The following RAP1GAP variants were observed in gnomAD, a reference collection of about 807,000 sequenced individuals.
RAP1GAP encodes RAP1 GTPase activating protein, also known as rap1 GTPase-activating protein 1.
RAP1GAP carries 35 observed loss-of-function variants against 87.2 expected under a neutral mutation model. The ratio of observed to expected loss-of-function variants is 0.40; its 90% CI spans 0.31 to 0.53. The LOEUF is 0.53. RAP1GAP is among the 20% of genes least tolerant of loss of function. The pLI, the probability that RAP1GAP is intolerant of heterozygous loss-of-function variation, is 0.48. For missense variants in RAP1GAP, 734 were observed against 898.9 expected, an observed-to-expected ratio of 0.82 and a Z score of 2.35; for synonymous variants, 375 against 363.9, an observed-to-expected ratio of 1.03 and a Z score of -0.35.
intron 13 of RAP1GAP, among the ~76,000 whole-genome samples, chr1:21,610,532 G>A (rs534497844): frequency 2.6e-5 from 4 of 152,322 alleles, no homozygotes; most frequent in East Asian, 3.9e-4. Flanking sequence ...ATTCATCCAT[G>A]TAACCAAAAC....
At chr1:21,654,072 C>T (rs1339911022) in intron 1 of RAP1GAP, among the ~76,000 whole-genome samples, 1 of 117,232 alleles carries the variant, frequency 8.5e-6, no homozygotes, top group Non-Finnish European at 1.7e-5. Context: ...CTGCAGCTGC[C>T]TCATTGGCAA....
In RAP1GAP at chr1:21,654,865, G is replaced by T. The variant is rs974915870; in HGVS notation, c.-148-5069C>A. Among the ~76,000 whole-genome samples, 11 of 151,864 alleles carry T rather than the reference G, an allele frequency of 7.2e-5. 1 individual carries two copies. The highest frequency in any genetic ancestry group is 2.7e-4 in the African/African-American group (11 of 41,350). Reference sequence around the variant, plus strand: ...AAGAAAAAAGAAAAAGAAAGGCTAGGCACGGTGGCTCACACCTGTAATCCC... The same window carrying T: ...AAGAAAAAAGAAAAAGAAAGGCTAGTCACGGTGGCTCACACCTGTAATCCC... On this transcript the variant is annotated intron_variant, in intron 1 of 24. Transcript: ENST00000374765.
chr1:21,660,339 C>A (rs867554240), intron 1 of RAP1GAP, among the ~76,000 whole-genome samples: 16 of 52,844 alleles, frequency 3.0e-4, no homozygotes, highest in East Asian at 2.9e-3. Context: ...TCCAACTCAG[C>A]TATATATATT....
In RAP1GAP at chr1:21,601,755, G is replaced by A. The variant is rs140020129; in HGVS notation, c.1581C>T (p.His527=). ...PAGQKTPDSG[H]VSQEPKSENS... is the part of the protein sequence containing the mutation. ...TCTCCGACTTGGGCTCCTGTGAGAC[G>A]TGCCCGCTGTCTGGGGTCTTCTGAC... Residue 527 remains histidine (H), a synonymous_variant, in exon 20 of 25, where the codon CAC becomes CAT. Transcript: ENST00000374765. 148 of 1,611,316 alleles carry A rather than the reference G, an allele frequency of 9.2e-5. 1 individual carries two copies. The highest frequency in any genetic ancestry group is 2.2e-5 in the East Asian group (1 of 44,830).
intron 2 of RAP1GAP, among the ~76,000 whole-genome samples, chr1:21,642,329 G>A (rs756755030): frequency 3.9e-5 from 6 of 152,256 alleles, no homozygotes; most frequent in East Asian, 1.9e-4. Flanking sequence ...AGCTGGCATC[G>A]ACGGAGTACG....
chr1:21,621,137 C>A (rs1238157994), intron 3 of RAP1GAP, among the ~76,000 whole-genome samples: 1 of 152,206 alleles, frequency 6.6e-6, no homozygotes, highest in Non-Finnish European at 1.5e-5. Context: ...CAAACCCACA[C>A]CTGTGCAGGT....
intron 2 of RAP1GAP, among the ~76,000 whole-genome samples, chr1:21,631,576 CTTG>C (rs1317319085): frequency 6.6e-6 from 1 of 152,126 alleles, no homozygotes; most frequent in Non-Finnish European, 1.5e-5. Flanking sequence ...ATCCTAGCTA[CTTG>C]GGAGGCTGAG....
chr1:21,648,701 T>C (rs2096299453), intron 2 of RAP1GAP, among the ~76,000 whole-genome samples: 1 of 152,180 alleles, frequency 6.6e-6, no homozygotes, highest in African/African-American at 2.4e-5. Context: ...AGTCTACCCC[T>C]GCTCTGAGCA....
chr1:21,617,584 C>A (rs2083080991), intron 6 of RAP1GAP, 93 bp from the exon 7 acceptor site: 1 of 1,397,430 alleles, frequency 7.2e-7, no homozygotes, highest in Admixed American at 2.1e-5. Flanking sequence ...CCGCTTCTGT[C>A]GTGGCTAAGG....
intron 3 of RAP1GAP, among the ~76,000 whole-genome samples, chr1:21,621,907 C>T (rs1299089365): frequency 6.6e-6 from 1 of 152,228 alleles, no homozygotes; most frequent in Non-Finnish European, 1.5e-5. Flanking sequence ...CAACAAGCAA[C>T]ACCCACAGCT....
chr1:21,602,690 G>T, intron 19 of RAP1GAP, 114 bp downstream of exon 19: 1 of 884,674 alleles, frequency 1.1e-6, no homozygotes, highest in Non-Finnish European at 1.7e-6. Context: ...TGTCACTAGT[G>T]GGGATGGAGA....
intron 1 of RAP1GAP, among the ~76,000 whole-genome samples, chr1:21,663,539 C>A (rs1227354532): frequency 6.6e-6 from 1 of 152,196 alleles, no homozygotes; most frequent in Non-Finnish European, 1.5e-5. Context: ...ACCGAGCTTG[C>A]AGGCAGGAAG....
Position 21,598,415 on chromosome 1 carries a change from C to G in RAP1GAP, c.1864G>C (p.Gly622Arg), listed in dbSNP as rs372281992. Residue 622 changes from glycine to arginine, a missense_variant, in exon 22 of 25, where the codon GGG becomes CGG. Transcript: ENST00000374765. ...WLEDSVSTTSGGSSPGPSRSP... is the reference protein window; with the variant it reads ...WLEDSVSTTSRGSSPGPSRSP... The stretch of plus-strand genomic sequence containing the variant: ...GTCCTGGTACCTGGGGAGCTGCCCC[C>G]ACTAGTGGTGCTGACACTGTCCTCC... 6.2e-6 allele frequency: 10 copies of G among 1,613,596 alleles called. No individual in the cohort carries two copies. The highest frequency in any genetic ancestry group is 1.1e-5 in the South Asian group (1 of 91,082).
In RAP1GAP at chr1:21,622,388, G is replaced by T; in HGVS notation, c.-18-2338C>A. ...CGAGCCCCTCCGCGGACGGCCGGGTGGCACCGCGGGCCGCAGCTGTGCCAT... is the reference window on the plus strand; with the variant it reads ...CGAGCCCCTCCGCGGACGGCCGGGTTGCACCGCGGGCCGCAGCTGTGCCAT... On this transcript the variant is annotated intron_variant, in intron 3 of 24. Transcript: ENST00000374765. This position sits in a 1 kb window ranked among gnomAD's most constrained non-coding sequence, Gnocchi z 5.7. 2.4e-6 allele frequency: 1 copy of T among 423,712 alleles called. No homozygotes were observed. The highest frequency in any genetic ancestry group is 4.7e-5 in the South Asian group (1 of 21,452). 26.2% of individuals were successfully genotyped at this position (423,712 alleles called of 1,614,324 possible).
chr1:21,669,242 G>T lies in RAP1GAP; in HGVS notation c.-149+12C>A. On this transcript the variant is annotated intron_variant, in intron 1 of 24. Coordinates refer to ENST00000374765, the MANE Select transcript of RAP1GAP (RefSeq NM_002885.4). This position sits in a 1 kb window ranked among gnomAD's most constrained non-coding sequence, Gnocchi z 5.6. ...CCTTTCCAGGGCCGCAGCCCTGGCG[G>T]GGCGCACTCACCCAAGGGCCTGGGC... 1.6e-6 allele frequency: 2 copies of T among 1,251,074 alleles called. No homozygotes were observed. The highest frequency in any genetic ancestry group is 2.1e-6 in the Non-Finnish European group (2 of 972,982). 77.5% of individuals were successfully genotyped at this position (1,251,074 alleles called of 1,614,324 possible). A position where few individuals can be genotyped will look rare whatever the true frequency, so the allele number is the denominator to read the frequency against.
At chr1:21,665,641 G>C (rs1052678021) in intron 1 of RAP1GAP, among the ~76,000 whole-genome samples, 2 of 152,186 alleles carry the variant, frequency 1.3e-5, no homozygotes, top group Non-Finnish European at 2.9e-5. Flanking sequence ...TCCTCTCTGA[G>C]TCACCACCTG....
chr1:21,643,341 T>C (rs1054981971), intron 2 of RAP1GAP, among the ~76,000 whole-genome samples: 1 of 152,012 alleles, frequency 6.6e-6, no homozygotes, highest in Admixed American at 6.6e-5. Flanking sequence ...GGGCGGATCA[T>C]GAGGTCAGGA....
At chr1:21,606,243 C>T (rs373267431) in intron 17 of RAP1GAP, 46 bp from the exon 18 acceptor site, 84 of 1,546,164 alleles carry the variant, frequency 5.4e-5, no homozygotes, top group East Asian at 7.2e-5. Context: ...TCCTAAGGGC[C>T]GTCCCCTTGG....
chr1:21,650,598 C>T (rs1396826320), intron 1 of RAP1GAP, among the ~76,000 whole-genome samples: 2 of 152,182 alleles, frequency 1.3e-5, no homozygotes, highest in African/African-American at 2.4e-5. Flanking sequence ...AGCAAGAGGA[C>T]GTCCTCCGCA....
Sources: allele counts gnomAD v4.1 joint callset (sites outside exome capture counted in the v4.1 genomes callset), GRCh38; gene constraint gnomAD v4.1.1; non-coding constraint Gnocchi (gnomAD v3.1); transcripts MANE v1.5; gene names NCBI Gene and HGNC (gene_info 2026-07-23, HGNC 2026-07-21).